Variants in ARNT2 observed in about 807,000 individuals in gnomAD.
ARNT2 encodes the protein aryl hydrocarbon receptor nuclear translocator 2, also known as ARNT protein 2.
ARNT2 carries 36 observed loss-of-function variants against 91.7 expected under a neutral mutation model. The observed-to-expected ratio is 0.39, with a 90% CI of 0.30 to 0.52. The LOEUF (loss-of-function observed/expected upper bound fraction) is 0.52. ARNT2 is among the 20% of genes least tolerant of loss of function. The probability of loss-of-function intolerance (pLI) is 0.72; values close to 1 mark genes in which losing one functional copy is unlikely to be tolerated. For synonymous variants in ARNT2, 365 were observed against 347.1 expected, an observed-to-expected ratio of 1.05 and a Z score of -0.57; for missense variants, 775 against 939.3, an observed-to-expected ratio of 0.83 and a Z score of 2.29.
chr15:80,461,221 A>G (rs1450970055), intron 3 of ARNT2, among the ~76,000 whole-genome samples: 1 of 152,152 alleles, frequency 6.6e-6, no homozygotes, highest in Non-Finnish European at 1.5e-5. Flanking sequence ...TATAAGTGCA[A>G]TTTCCCTCCA....
Position 80,513,949 on chromosome 15 carries a change from G to C in ARNT2, c.764G>C (p.Arg255Thr). 1 of 1,613,752 alleles carries C rather than the reference G, an allele frequency of 6.2e-7. No homozygotes were observed. The highest frequency in any genetic ancestry group is 8.5e-7 in the Non-Finnish European group (1 of 1,179,714). The change falls in exon 7 of 19, where the codon AGA becomes ACA. Residue 255 changes from arginine to threonine, a missense_variant. By Grantham distance (71) the Arg-to-Thr change is moderately conservative. Transcript: ENST00000303329. ...CCTTTGGACCACCTTCCTCTAAACA[G>C]AATAACCACCATGAGGAAAAGGTTC... ...NAPLDHLPLNRITTMRKRFRN... is the reference protein window; with the variant it reads ...NAPLDHLPLNTITTMRKRFRN...
In ARNT2 at chr15:80,597,086, G is replaced by C. The variant is rs1222148804; in HGVS notation, c.*3388G>C. 1 of 511,456 alleles carries C rather than the reference G, an allele frequency of 2.0e-6. No homozygotes were observed. Among genetic ancestry groups the C allele is most frequent in the Admixed American group, 2.0e-5 (1 of 51,080 alleles). The allele number at this position is 511,456 out of a possible 1,614,324, so 31.7% of individuals were successfully genotyped here. On this transcript the variant is annotated 3_prime_UTR_variant, in exon 19 of 19. Transcript: ENST00000303329. The stretch of plus-strand genomic sequence containing the variant: ...CTGGTTGTTAAGGAACTTACACTGG[G>C]GAGCTTTACTCTTCCGTGTCAACAA...
intron 1 of ARNT2, among the ~76,000 whole-genome samples, chr15:80,424,894 T>G (rs1240051032): frequency 6.6e-6 from 1 of 152,242 alleles, no homozygotes; most frequent in Non-Finnish European, 1.5e-5. Flanking sequence ...TGGGGCTGCC[T>G]ATATCTATGG....
chr15:80,514,111 G>A lies in ARNT2; in HGVS notation c.791+135G>A, dbSNP rs560015748. 1.2e-3 allele frequency: 1,224 copies of A among 995,542 alleles called. 3 individuals carry two copies. Among genetic ancestry groups the A allele is most frequent in the Non-Finnish European group, 1.5e-3 (987 of 645,218 alleles). 61.7% of individuals were successfully genotyped at this position (995,542 alleles called of 1,614,324 possible). On this transcript the variant is annotated intron_variant, in intron 7 of 18. Coordinates refer to ENST00000303329, the MANE Select transcript of ARNT2 (RefSeq NM_014862.4). ...AGAACCAGACATCAGGGTGGCAGTG[G>A]CAGAGATGAGAGAGAACAGGGAGTT...
intron 15 of ARNT2, among the ~76,000 whole-genome samples, chr15:80,578,569 A>G (rs1415318412): frequency 6.7e-6 from 1 of 150,170 alleles, no homozygotes; most frequent in African/African-American, 2.4e-5. Context: ...GACAGGGCTC[A>G]GGGCAGACAG....
intron 8 of ARNT2, among the ~76,000 whole-genome samples, chr15:80,550,150 T>C (rs2141455180): frequency 6.6e-6 from 1 of 152,268 alleles, no homozygotes; most frequent in African/African-American, 2.4e-5. Flanking sequence ...CATGAGAAAG[T>C]GTACATGTAT....
At chr15:80,575,609 T>G (rs2141477052) in intron 14 of ARNT2, among the ~76,000 whole-genome samples, 1 of 152,340 alleles carries the variant, frequency 6.6e-6, no homozygotes, top group African/African-American at 2.4e-5. Context: ...TCTTCAGCCG[T>G]GTGGCTGTGG....
At chr15:80,471,197 A>G (rs550397198) in intron 4 of ARNT2, among the ~76,000 whole-genome samples, 4 of 152,390 alleles carry the variant, frequency 2.6e-5, no homozygotes, top group African/African-American at 7.2e-5. Flanking sequence ...CTACACAGCC[A>G]TATAAAAGAA....
intron 8 of ARNT2, among the ~76,000 whole-genome samples, chr15:80,517,906 T>A (rs1031509476): frequency 4.6e-5 from 7 of 152,226 alleles, no homozygotes; most frequent in Non-Finnish European, 7.3e-5. Flanking sequence ...TTGCATATTG[T>A]CTACGTTTTC....
At chr15:80,540,039 A>G (rs1364156130) in intron 8 of ARNT2, among the ~76,000 whole-genome samples, 1 of 152,170 alleles carries the variant, frequency 6.6e-6, no homozygotes, top group Non-Finnish European at 1.5e-5. Context: ...ACTACTGGGT[A>G]TTTATCCGAA....
chr15:80,563,285 C>G (rs1898404671), intron 12 of ARNT2, 46 bp downstream of exon 12: 1 of 1,610,652 alleles, frequency 6.2e-7, no homozygotes, highest in Non-Finnish European at 8.5e-7. Context: ...CATGCGCTTG[C>G]TTGGGTCCAG....
intron 2 of ARNT2, among the ~76,000 whole-genome samples, chr15:80,451,913 T>C (rs1295869711): frequency 6.6e-6 from 1 of 152,262 alleles, no homozygotes; most frequent in Non-Finnish European, 1.5e-5. Flanking sequence ...TTGAATCAAT[T>C]TGTACTTTTA....
chr15:80,484,574 C>T (rs1226605584), intron 5 of ARNT2, among the ~76,000 whole-genome samples: 1 of 152,242 alleles, frequency 6.6e-6, no homozygotes, highest in African/African-American at 2.4e-5. Flanking sequence ...ACATGCATAG[C>T]ATGGCTGATG....
chr15:80,456,731 C>T lies in ARNT2; in HGVS notation c.147-1198C>T, dbSNP rs1014490471. Among the ~76,000 whole-genome samples the T allele has an allele frequency of 3.3e-5, 5 of 152,120 alleles. 1 individual carries two copies. Among genetic ancestry groups the T allele is most frequent in the Non-Finnish European group, 7.4e-5 (5 of 68,022 alleles). On this transcript the variant is annotated intron_variant, in intron 2 of 18. Coordinates refer to ENST00000303329, the MANE Select transcript of ARNT2 (RefSeq NM_014862.4). ...TGCCTTCTCCAAGTCACTCATTAGC[C>T]ACTGAAGCCCTGCCCTTAGAGCCTG...
chr15:80,439,422 G>T (rs1567179791), intron 1 of ARNT2, among the ~76,000 whole-genome samples: 1 of 152,168 alleles, frequency 6.6e-6, no homozygotes, highest in Non-Finnish European at 1.5e-5. Context: ...AGAAGCCATG[G>T]CCAAATAATA....
chr15:80,539,516 G>A (rs952634001), intron 8 of ARNT2, among the ~76,000 whole-genome samples: 5 of 152,118 alleles, frequency 3.3e-5, no homozygotes, highest in East Asian at 1.9e-4. Flanking sequence ...AATATTAGAA[G>A]GGTTCTCAAA....
At chr15:80,498,653 G>T (rs1253473367) in intron 5 of ARNT2, among the ~76,000 whole-genome samples, 2 of 152,134 alleles carry the variant, frequency 1.3e-5, no homozygotes, top group Non-Finnish European at 1.5e-5. Flanking sequence ...GAGAGAGGCT[G>T]GAATGATCCA....
chr15:80,498,074 A>G (rs573073443), intron 5 of ARNT2, among the ~76,000 whole-genome samples: 90 of 152,322 alleles, frequency 5.9e-4, no homozygotes, highest in African/African-American at 2.0e-3. Flanking sequence ...GGGGGCCCTC[A>G]GAAAGCTTTT....
At chr15:80,418,543 TGACA>T (rs1188739264) in intron 1 of ARNT2, among the ~76,000 whole-genome samples, 1 of 152,246 alleles carries the variant, frequency 6.6e-6, no homozygotes. Flanking sequence ...TTGTCCTCAC[TGACA>T]GAGTGGGGTA....
Sources: gnomAD v4.1 joint callset for allele counts (sites outside exome capture counted in the v4.1 genomes callset) on GRCh38, gnomAD v4.1.1 for gene constraint, MANE v1.5 for transcripts, NCBI Gene and HGNC (gene_info 2026-07-23, HGNC 2026-07-21) for gene names.